Variants in ATP8A2 observed in about 807,000 individuals in gnomAD.
ATP8A2 encodes the protein ATPase phospholipid transporting 8A2.
Under a neutral mutation model 165.6 loss-of-function variants are expected in ATP8A2, and 100 were observed. The ratio of observed to expected loss-of-function variants is 0.60; its 90% CI spans 0.51 to 0.71. The LOEUF (loss-of-function observed/expected upper bound fraction) is 0.71, where lower values mean the gene tolerates loss of function less well. ATP8A2 is among the 30% of genes least tolerant of loss of function. The probability of loss-of-function intolerance (pLI) is 0.00; values close to 1 mark genes in which losing one functional copy is unlikely to be tolerated. For synonymous variants in ATP8A2, 543 were observed against 548.8 expected (o/e 0.99, Z 0.15); for missense variants, 1,227 against 1,479.5 (o/e 0.83, Z 2.80).
intron 1 of ATP8A2, among the ~76,000 whole-genome samples, chr13:25,386,782 G>A (rs1242365986): frequency 6.6e-6 from 1 of 152,066 alleles, no homozygotes; most frequent in African/African-American, 2.4e-5. Flanking sequence ...CGGATCACAA[G>A]GTCAGGAGAT....
chr13:25,609,035 G>A (rs2040587868), intron 24 of ATP8A2, among the ~76,000 whole-genome samples: 1 of 152,100 alleles, frequency 6.6e-6, no homozygotes, highest in Non-Finnish European at 1.5e-5. Flanking sequence ...ATATCCCAAA[G>A]AGGGAAATTT....
At chr13:25,596,153 T>G (rs936589631) in intron 24 of ATP8A2, among the ~76,000 whole-genome samples, 1 of 152,222 alleles carries the variant, frequency 6.6e-6, no homozygotes, top group Non-Finnish European at 1.5e-5. Context: ...AGCTTCCCAG[T>G]GCAGTGAGAA....
chr13:25,553,584 C>T (rs936629267), intron 11 of ATP8A2, among the ~76,000 whole-genome samples: 1 of 152,142 alleles, frequency 6.6e-6, no homozygotes, highest in African/African-American at 2.4e-5. Context: ...TGTTGGTTCC[C>T]GCTACGTCCT....
chr13:25,929,926 C>T (rs1356442388), intron 33 of ATP8A2, among the ~76,000 whole-genome samples: 3 of 152,144 alleles, frequency 2.0e-5, no homozygotes, highest in African/African-American at 4.8e-5. Flanking sequence ...CTGAACTTCC[C>T]GAACGTGAAC....
intron 33 of ATP8A2, among the ~76,000 whole-genome samples, chr13:25,958,122 G>C (rs987814103): frequency 6.6e-6 from 1 of 151,814 alleles, no homozygotes; most frequent in African/African-American, 2.4e-5. Context: ...TCACACACCA[G>C]GACCTGTTGT....
intron 24 of ATP8A2, among the ~76,000 whole-genome samples, chr13:25,665,265 A>G (rs576191647): frequency 6.6e-6 from 1 of 152,290 alleles, no homozygotes; most frequent in East Asian, 1.9e-4. Flanking sequence ...AAGTCAAAAC[A>G]GATTATTCAA....
chr13:25,459,020 C>T (rs995374117), intron 1 of ATP8A2, among the ~76,000 whole-genome samples: 1 of 152,180 alleles, frequency 6.6e-6, no homozygotes, highest in Non-Finnish European at 1.5e-5. Context: ...CAGACATAAT[C>T]CAAATGCCAG....
chr13:25,676,589 A>G (rs1462255476), intron 24 of ATP8A2, among the ~76,000 whole-genome samples: 1 of 152,198 alleles, frequency 6.6e-6, no homozygotes, highest in Non-Finnish European at 1.5e-5. Context: ...ACTCTGCCTC[A>G]CGAGAAAGCT....
chr13:25,614,788 C>T (rs2040779065), intron 24 of ATP8A2, among the ~76,000 whole-genome samples: 1 of 152,200 alleles, frequency 6.6e-6, no homozygotes, highest in Admixed American at 6.5e-5. Flanking sequence ...GATCTAGCCA[C>T]CCAGCAGAGC....
chr13:25,542,384 ATTT>A (rs61662955), intron 9 of ATP8A2, among the ~76,000 whole-genome samples: 7 of 135,112 alleles, frequency 5.2e-5, no homozygotes, highest in Admixed American at 7.5e-5. Context: ...GTGTATGTGT[ATTT>A]TTTTTTTTTT....
intron 24 of ATP8A2, among the ~76,000 whole-genome samples, chr13:25,652,977 A>T (rs1295570580): frequency 2.0e-5 from 3 of 152,226 alleles, no homozygotes; most frequent in Non-Finnish European, 2.9e-5. Flanking sequence ...TCACTAGGTC[A>T]TGACCTCCTG....
intron 13 of ATP8A2, among the ~76,000 whole-genome samples, chr13:25,555,829 G>A (rs1221515193): frequency 6.6e-6 from 1 of 152,002 alleles, no homozygotes; most frequent in African/African-American, 2.4e-5. Context: ...ATGTCCTTGA[G>A]TATGCAATGT....
At chr13:25,749,842 ATTGTT>A (rs2138190820) in intron 25 of ATP8A2, among the ~76,000 whole-genome samples, 2 of 152,236 alleles carry the variant, frequency 1.3e-5, no homozygotes, top group South Asian at 4.2e-4. Flanking sequence ...TTAGTTTCTA[ATTGTT>A]GACATCTAAG....
intron 29 of ATP8A2, among the ~76,000 whole-genome samples, chr13:25,837,992 C>G (rs561327470): frequency 7.2e-5 from 11 of 152,250 alleles, no homozygotes; most frequent in Admixed American, 2.0e-4. Context: ...GTGACCCCAT[C>G]CAAAGAAAAG....
intron 27 of ATP8A2, among the ~76,000 whole-genome samples, chr13:25,800,284 G>A (rs542423848): frequency 2.5e-4 from 38 of 152,224 alleles, no homozygotes; most frequent in Non-Finnish European, 5.3e-4. Context: ...ATGTACAATG[G>A]AGAATGGTGG....
intron 33 of ATP8A2, among the ~76,000 whole-genome samples, chr13:25,935,267 A>G (rs531810218): frequency 6.6e-6 from 1 of 152,188 alleles, no homozygotes; most frequent in African/African-American, 2.4e-5. Flanking sequence ...TTTCGGATTC[A>G]TAATCACTCA....
At chr13:25,979,299 A>G (rs1441598276) in intron 35 of ATP8A2, among the ~76,000 whole-genome samples, 1 of 152,206 alleles carries the variant, frequency 6.6e-6, no homozygotes, top group Non-Finnish European at 1.5e-5. Context: ...ACATTTCTCT[A>G]TTAACAGGAA....
intron 1 of ATP8A2, among the ~76,000 whole-genome samples, chr13:25,443,776 C>T (rs185597140): frequency 2.6e-5 from 4 of 152,268 alleles, no homozygotes; most frequent in Non-Finnish European, 5.9e-5. Flanking sequence ...CATGAGGGCA[C>T]GGAATTATAT....
rs143131639 is a variant in ATP8A2 at position 26,014,940 on chromosome 13, G to C, written c.3469+2318G>C. Among the ~76,000 whole-genome samples, 972 of 152,110 alleles carry C rather than the reference G, an allele frequency of 6.4e-3. 11 individuals are homozygous for C. The highest frequency in any genetic ancestry group is 0.023 in the African/African-American group (933 of 41,464). ...CCAGACACAGAGAAAACACATACAG[G>C]TTCCCAGAACTCTACAGGGTCTGTT... On this transcript the variant is annotated intron_variant, in intron 36 of 36. Transcript: ENST00000381655.
Sources: gnomAD v4.1 joint callset for allele counts (sites outside exome capture counted in the v4.1 genomes callset) on GRCh38, gnomAD v4.1.1 for gene constraint, MANE v1.5 for transcripts, NCBI Gene and HGNC (gene_info 2026-07-23, HGNC 2026-07-21) for gene names.